GALNTL6: variants seen among roughly 807,000 people sequenced by gnomAD.
The protein encoded by GALNTL6 is polypeptide N-acetylgalactosaminyltransferase like 6, also known as polypeptide N-acetylgalactosaminyltransferase-like 6.
A neutral mutation model predicts 73.7 loss-of-function variants in GALNTL6; 46 were observed. The observed-to-expected ratio is 0.62, with a 90% CI of 0.49 to 0.80. GALNTL6 has a LOEUF of 0.80. Ranked by LOEUF, GALNTL6 falls within the 30% of genes least tolerant of loss-of-function variation. The probability of loss-of-function intolerance (pLI) is 0.00; values close to 1 mark genes in which losing one functional copy is unlikely to be tolerated. For synonymous variants in GALNTL6, 259 were observed against 263.7 expected (o/e 0.98, Z 0.17); for missense variants, 604 against 755.0 (o/e 0.80, Z 2.34).
At chr4:172,252,006 A>C (rs1314778158) in intron 3 of GALNTL6, among the ~76,000 whole-genome samples, 2 of 152,204 alleles carry the variant, frequency 1.3e-5, no homozygotes, top group Admixed American at 6.6e-5. Context: ...ATTAGTGTAC[A>C]GGAAGATTAA....
At chr4:172,659,956 G>A (rs1579301933) in intron 5 of GALNTL6, among the ~76,000 whole-genome samples, 2 of 152,234 alleles carry the variant, frequency 1.3e-5, no homozygotes, top group Admixed American at 1.3e-4. Flanking sequence ...TCTTCTACTG[G>A]TTCTGCTTCT....
chr4:172,866,028 A>G (rs1005199582), intron 7 of GALNTL6, among the ~76,000 whole-genome samples: 1 of 152,016 alleles, frequency 6.6e-6, no homozygotes, highest in African/African-American at 2.4e-5. Context: ...TGTGCTCACA[A>G]TCTCTTGGAC....
intron 5 of GALNTL6, among the ~76,000 whole-genome samples, chr4:172,477,070 C>T (rs1733264746): frequency 6.6e-6 from 1 of 151,376 alleles, no homozygotes; most frequent in Non-Finnish European, 1.5e-5. Flanking sequence ...TACAGGCGCC[C>T]GCCACCACGC....
At chr4:171,882,574 C>G (rs1370927775) in intron 2 of GALNTL6, among the ~76,000 whole-genome samples, 1 of 152,112 alleles carries the variant, frequency 6.6e-6, no homozygotes, top group African/African-American at 2.4e-5. Flanking sequence ...GCCAAAGGCC[C>G]GAGAACCCCC....
At chr4:172,107,994 G>A (rs1180390551) in intron 2 of GALNTL6, among the ~76,000 whole-genome samples, 1 of 152,126 alleles carries the variant, frequency 6.6e-6, no homozygotes, top group Non-Finnish European at 1.5e-5. Flanking sequence ...CAAGGATCTA[G>A]TAGTTACATA....
intron 2 of GALNTL6, among the ~76,000 whole-genome samples, chr4:172,083,102 T>C (rs1350622734): frequency 6.6e-6 from 1 of 152,200 alleles, no homozygotes; most frequent in East Asian, 1.9e-4. Context: ...ATCTCATGCT[T>C]CACAACACTT....
intron 3 of GALNTL6, among the ~76,000 whole-genome samples, chr4:172,279,528 C>T (rs1738967478): frequency 6.6e-6 from 1 of 152,074 alleles, no homozygotes; most frequent in Non-Finnish European, 1.5e-5. Flanking sequence ...TCTCACACCC[C>T]TTAGGATGTT....
intron 5 of GALNTL6, among the ~76,000 whole-genome samples, chr4:172,719,118 A>G (rs1735295913): frequency 6.6e-6 from 1 of 152,204 alleles, no homozygotes; most frequent in African/African-American, 2.4e-5. Flanking sequence ...TAATGTATAC[A>G]TTTAAGTTAT....
intron 8 of GALNTL6, among the ~76,000 whole-genome samples, chr4:172,922,717 A>T (rs1747856217): frequency 6.6e-6 from 1 of 152,208 alleles, no homozygotes; most frequent in Non-Finnish European, 1.5e-5. Context: ...CACCATATTC[A>T]CCTACTCCAC....
chr4:172,472,245 C>T (rs1190772139), intron 5 of GALNTL6, among the ~76,000 whole-genome samples: 2 of 152,096 alleles, frequency 1.3e-5, no homozygotes, highest in African/African-American at 4.8e-5. Flanking sequence ...TCATGCTAGC[C>T]CTTTGGGATG....
In GALNTL6 at chr4:172,369,034, T is replaced by C. The variant is rs200494241; in HGVS notation, c.553+20345T>C. On this transcript the variant is annotated intron_variant, in intron 5 of 12. Transcript: ENST00000506823. ...AGCTTCCACAGTGTGGAAGGGGACCTGAGCAGGTTGCCACTGCAGGCTCAG... is the reference window on the plus strand; with the variant it reads ...AGCTTCCACAGTGTGGAAGGGGACCCGAGCAGGTTGCCACTGCAGGCTCAG... Among the ~76,000 whole-genome samples, 148 of 152,310 alleles carry C rather than the reference T, an allele frequency of 9.7e-4. 1 individual carries two copies. The South Asian group carries it at 0.016, about 16-fold the overall frequency.
chr4:171,850,788 G>T (rs1260371161), intron 2 of GALNTL6, among the ~76,000 whole-genome samples: 2 of 152,066 alleles, frequency 1.3e-5, no homozygotes, highest in Non-Finnish European at 2.9e-5. Context: ...AGTTTTTAAG[G>T]TTTTTCTGGG....
intron 5 of GALNTL6, among the ~76,000 whole-genome samples, chr4:172,692,582 G>T (rs1733379147): frequency 6.6e-6 from 1 of 152,038 alleles, no homozygotes; most frequent in Non-Finnish European, 1.5e-5. Context: ...TTATAAGTCA[G>T]TTCAAATTAT....
At chr4:172,646,202 A>AT (rs1019800310) in intron 5 of GALNTL6, among the ~76,000 whole-genome samples, 1 of 152,028 alleles carries the variant, frequency 6.6e-6, no homozygotes, top group African/African-American at 2.4e-5. Context: ...TTGTATTACC[A>AT]TGTAAGTTTT....
intron 5 of GALNTL6, among the ~76,000 whole-genome samples, chr4:172,767,722 A>G (rs948684147): frequency 7.1e-6 from 1 of 140,700 alleles, no homozygotes; most frequent in Non-Finnish European, 1.5e-5. Context: ...CTGGAGTGCA[A>G]TGAATGACTC....
At chr4:172,539,061 G>C (rs888125700) in intron 5 of GALNTL6, among the ~76,000 whole-genome samples, 2 of 152,096 alleles carry the variant, frequency 1.3e-5, no homozygotes, top group Non-Finnish European at 2.9e-5. Context: ...TATGATGGAA[G>C]AAAAAATATA....
At chr4:172,234,901 G>A (rs1448972084) in intron 3 of GALNTL6, among the ~76,000 whole-genome samples, 1 of 151,890 alleles carries the variant, frequency 6.6e-6, no homozygotes, top group East Asian at 1.9e-4. Context: ...GGATTTTTTT[G>A]TGGATGAAGC....
At chr4:172,499,968 G>T (rs1275157465) in intron 5 of GALNTL6, among the ~76,000 whole-genome samples, 2 of 152,162 alleles carry the variant, frequency 1.3e-5, no homozygotes, top group Non-Finnish European at 2.9e-5. Context: ...CTCTCTTACA[G>T]AAAGAGAGGA....
chr4:172,418,086 T>C (rs1368572756), intron 5 of GALNTL6, among the ~76,000 whole-genome samples: 4 of 152,202 alleles, frequency 2.6e-5, no homozygotes, highest in African/African-American at 4.8e-5. Flanking sequence ...ACCTAATGCA[T>C]AGGCAAACAG....
Sources: allele counts gnomAD v4.1 joint callset (sites outside exome capture counted in the v4.1 genomes callset), GRCh38; gene constraint gnomAD v4.1.1; transcripts MANE v1.5; gene names NCBI Gene and HGNC (gene_info 2026-07-23, HGNC 2026-07-21).